Variants in ITGB3 observed in about 807,000 individuals in gnomAD.
The protein encoded by ITGB3 is integrin subunit beta 3, also known as integrin beta-3.
ITGB3 carries 48 observed loss-of-function variants against 85.8 expected under a neutral mutation model. That is an observed-to-expected ratio of 0.56 (90% CI 0.44 to 0.71). The LOEUF is 0.71. ITGB3 is among the 30% of genes least tolerant of loss of function. The probability of loss-of-function intolerance (pLI) is 0.00; values close to 1 mark genes in which losing one functional copy is unlikely to be tolerated. For synonymous variants in ITGB3, 363 were observed against 395.6 expected, an observed-to-expected ratio of 0.92 and a Z score of 0.98; for missense variants, 861 against 1,019.1, an observed-to-expected ratio of 0.84 and a Z score of 2.11.
chr17:47,289,105 G>A (rs774023603), intron 6 of ITGB3, among the ~76,000 whole-genome samples: 2 of 152,148 alleles, frequency 1.3e-5, no homozygotes, highest in African/African-American at 2.4e-5. Context: ...ACCACACGGT[G>A]GAGGATCACG....
chr17:47,301,067 C>T (rs1319775494), intron 12 of ITGB3, among the ~76,000 whole-genome samples: 1 of 152,094 alleles, frequency 6.6e-6, no homozygotes, highest in Non-Finnish European at 1.5e-5. Context: ...GATAGGCAAC[C>T]AAAAGCTTTA....
intron 1 of ITGB3, among the ~76,000 whole-genome samples, chr17:47,273,908 G>A (rs1223984529): frequency 6.6e-6 from 1 of 152,148 alleles, no homozygotes; most frequent in East Asian, 1.9e-4. Context: ...TCTTTTGCCA[G>A]TCAGTGGGAC....
chr17:47,302,761 T>C lies in ITGB3; in HGVS notation c.2055T>C (p.Asn685=). The part of the protein sequence containing the change: ...GKDAVNCTYK[N]EDDCVVRFQY... ...ATGCAGTGAATTGTACCTATAAGAATGAGGATGACTGTGTCGTCAGATTCC... is the reference window on the plus strand; with the variant it reads ...ATGCAGTGAATTGTACCTATAAGAACGAGGATGACTGTGTCGTCAGATTCC... Residue 685 remains asparagine, a synonymous_variant, in exon 13 of 15, where the codon AAT becomes AAC. Transcript: ENST00000559488. The C allele has an allele frequency of 1.2e-6, 2 of 1,614,062 alleles. No individual in the cohort carries two copies. The highest frequency in any genetic ancestry group is 2.7e-5 in the African/African-American group (2 of 75,024).
chr17:47,266,828 T>A (rs1158647574), intron 1 of ITGB3, among the ~76,000 whole-genome samples: 2 of 152,132 alleles, frequency 1.3e-5, no homozygotes, highest in African/African-American at 4.8e-5. Flanking sequence ...GCAATCCTCC[T>A]GCCTTGGCCT....
At chr17:47,275,763 G>A (rs1043163785) in intron 2 of ITGB3, among the ~76,000 whole-genome samples, 4 of 152,220 alleles carry the variant, frequency 2.6e-5, no homozygotes, top group East Asian at 1.9e-4. Context: ...CGTTCAGCAC[G>A]GGAACTGCTT....
intron 6 of ITGB3, among the ~76,000 whole-genome samples, chr17:47,287,911 C>CTTTTTTTTTTTTT (rs60463106): frequency 1.8e-5 from 1 of 55,390 alleles, no homozygotes. Flanking sequence ...ACCACCCCTG[C>CTTTTTTTTTTTTT]TTTTTTTTTT....
intron 2 of ITGB3, among the ~76,000 whole-genome samples, chr17:47,277,184 A>G (rs1244138531): frequency 6.6e-6 from 1 of 152,168 alleles, no homozygotes; most frequent in East Asian, 1.9e-4. Context: ...GGCGGGCTTT[A>G]TACAGAGACT....
intron 10 of ITGB3, among the ~76,000 whole-genome samples, chr17:47,295,681 C>A (rs1056253739): frequency 3.3e-5 from 5 of 150,650 alleles, no homozygotes; most frequent in South Asian, 2.1e-4. Context: ...TCTGAGGAGG[C>A]GGAGGCCTCT....
intron 1 of ITGB3, among the ~76,000 whole-genome samples, chr17:47,259,606 T>C (rs139415323): frequency 1.2e-3 from 183 of 152,254 alleles, no homozygotes; most frequent in African/African-American, 4.1e-3. Context: ...ATAACAAATA[T>C]TGTTATTTCT....
At chr17:47,300,368 T>TGTGTGTGTG (rs1555573422) in intron 11 of ITGB3, 110 bp from the exon 12 acceptor site, 58 of 777,728 alleles carry the variant, frequency 7.5e-5, no homozygotes, top group East Asian at 1.6e-4. Context: ...TGTGTGTGTG[T>TGTGTGTGTG]TTTAATGGAG....
chr17:47,287,055 G>C lies in ITGB3; in HGVS notation c.778-15G>C, dbSNP rs769762003. On this transcript the variant is annotated splice_polypyrimidine_tract_variant and intron_variant, in intron 5 of 14. Transcript: ENST00000559488. ...TTTGTCTCCTCTGCCTTTGTTTTTT[G>C]TTTTCTTTTAACAGGAAAAGATTGG... is the stretch of plus-strand genomic sequence containing the variant. 1 of 1,612,360 alleles carries C rather than the reference G, an allele frequency of 6.2e-7. No individual in the cohort carries two copies. Among genetic ancestry groups the C allele is most frequent in the African/African-American group, 1.3e-5 (1 of 74,770 alleles).
At chr17:47,308,189 A>ATAATAATAAT (rs1555574002) in intron 14 of ITGB3, among the ~76,000 whole-genome samples, 3 of 134,190 alleles carry the variant, frequency 2.2e-5, no homozygotes, top group African/African-American at 5.5e-5. Flanking sequence ...AATAATAATA[A>ATAATAATAAT]AATAAAATAA....
chr17:47,268,883 A>G (rs2065034802), intron 1 of ITGB3, among the ~76,000 whole-genome samples: 1 of 152,208 alleles, frequency 6.6e-6, no homozygotes, highest in South Asian at 2.1e-4. Flanking sequence ...GAGGCTCTCC[A>G]TGAGGGCCCT....
At chr17:47,286,512 A>G in intron 5 of ITGB3, 90 bp downstream of exon 5, 1 of 1,501,742 alleles carries the variant, frequency 6.7e-7, no homozygotes, top group Non-Finnish European at 9.2e-7. Flanking sequence ...TTCTGGTGTA[A>G]AATGAGATGA....
At chr17:47,263,670 A>G in intron 1 of ITGB3, among the ~76,000 whole-genome samples, 1 of 152,058 alleles carries the variant, frequency 6.6e-6, no homozygotes, top group East Asian at 1.9e-4. Context: ...TTCTAGTTTT[A>G]GTAAAGACTG....
chr17:47,278,688 C>T (rs1049596235), intron 2 of ITGB3, among the ~76,000 whole-genome samples: 4 of 152,200 alleles, frequency 2.6e-5, no homozygotes, highest in African/African-American at 7.2e-5. Context: ...CTGGGCCGCA[C>T]AGCAGGAGGT....
chr17:47,271,432 T>A (rs2065043760), intron 1 of ITGB3, among the ~76,000 whole-genome samples: 1 of 152,212 alleles, frequency 6.6e-6, no homozygotes, highest in African/African-American at 2.4e-5. Context: ...TTAGGAGTAG[T>A]TCAAAAGGAA....
At chr17:47,255,124 G>T (rs1053516820) in intron 1 of ITGB3, among the ~76,000 whole-genome samples, 16 of 147,210 alleles carry the variant, frequency 1.1e-4, no homozygotes, top group African/African-American at 4.0e-4. Context: ...GATTACAGGC[G>T]CCTGCCACCA....
In ITGB3 at chr17:47,312,983, T is replaced by C. The variant is rs2065221566; in HGVS notation, c.*2779T>C. ...TTCCCAGGTCATCCATGATTTTTTT[T>C]TTAATTTGAGACAAAGCCTCACTCT... On this transcript the variant is annotated 3_prime_UTR_variant, in exon 15 of 15. Transcript: ENST00000559488. Among the ~76,000 whole-genome samples the C allele has an allele frequency of 6.6e-6, 1 of 152,196 alleles. No individual in the cohort carries two copies. The highest frequency in any genetic ancestry group is 2.4e-5 in the African/African-American group (1 of 41,456).
Sources: gnomAD v4.1 joint callset for allele counts (sites outside exome capture counted in the v4.1 genomes callset) on GRCh38, gnomAD v4.1.1 for gene constraint, MANE v1.5 for transcripts, NCBI Gene and HGNC (gene_info 2026-07-23, HGNC 2026-07-21) for gene names.